Variants in LRP1B observed in about 807,000 individuals in gnomAD.
The protein encoded by LRP1B is low-density lipoprotein receptor-related protein 1B.
In LRP1B, 217 loss-of-function variants were observed where a neutral mutation model predicts 556.6. That is an observed-to-expected ratio of 0.39 (90% CI 0.35 to 0.44). The LOEUF is 0.44. Ranked by LOEUF, LRP1B falls within the 20% of genes least tolerant of loss-of-function variation. The pLI, the probability that LRP1B is intolerant of heterozygous loss-of-function variation, is 1.00. For synonymous variants in LRP1B, 2,047 were observed against 1,865.8 expected (o/e 1.10, Z -2.50); for missense variants, 5,053 against 5,620.8 (o/e 0.90, Z 3.23).
chr2:140,991,592 A>T (rs1013647262), intron 16 of LRP1B, among the ~76,000 whole-genome samples: 1 of 152,106 alleles, frequency 6.6e-6, no homozygotes, highest in African/African-American at 2.4e-5. Context: ...CTACAACATA[A>T]GGTGTCTTCT....
intron 1 of LRP1B, among the ~76,000 whole-genome samples, chr2:141,955,450 T>G (rs755601526): frequency 3.6e-4 from 55 of 152,244 alleles, no homozygotes; most frequent in Admixed American, 9.2e-4. Flanking sequence ...TGTATTTTTG[T>G]CATTATTAAC....
At chr2:141,863,827 A>G (rs1047930355) in intron 1 of LRP1B, among the ~76,000 whole-genome samples, 8 of 152,180 alleles carry the variant, frequency 5.3e-5, no homozygotes, top group Non-Finnish European at 7.4e-5. Flanking sequence ...TAGTATATTA[A>G]AAGTTCCAAT....
rs2105359080 is a variant in LRP1B, at chr2:140,994,084, C to G, written c.2555G>C (p.Cys852Ser). 6.2e-7 allele frequency: 1 copy of G among 1,612,634 alleles called. No individual in the cohort carries two copies. Among genetic ancestry groups the G allele is most frequent in the Non-Finnish European group, 8.5e-7 (1 of 1,179,102 alleles). Residue 852 changes from cysteine to serine, a missense_variant, in exon 16 of 91, where the codon TGC becomes TCC. By Grantham distance (112) the Cys-to-Ser change is moderately radical. Transcript: ENST00000389484. ...PHICKAGEFRCKNRHCIQARW... is the reference protein window; with the variant it reads ...PHICKAGEFRSKNRHCIQARW... ...AGCTTGGATACAGTGTCTGTTTTTG[C>G]AGCGAAACTCTCCAGCTTTACATAT...
intron 37 of LRP1B, 59 bp from the exon 38 acceptor site, chr2:140,702,612 T>C (rs898658442): frequency 6.6e-7 from 1 of 1,525,600 alleles, no homozygotes. Flanking sequence ...TATGCAGAGC[T>C]ATGCAAAAAG....
chr2:141,500,468 T>G (rs533544114), intron 2 of LRP1B, among the ~76,000 whole-genome samples: 1 of 152,104 alleles, frequency 6.6e-6, no homozygotes, highest in Admixed American at 6.6e-5. Flanking sequence ...AGGTTTTTCT[T>G]ACCTACATAG....
At chr2:140,511,855 T>A (rs1689676032) in intron 51 of LRP1B, among the ~76,000 whole-genome samples, 1 of 152,236 alleles carries the variant, frequency 6.6e-6, no homozygotes, top group African/African-American at 2.4e-5. Context: ...CAGTACTTTC[T>A]ATAATAAAAT....
chr2:141,577,713 C>T (rs986495409), intron 2 of LRP1B, among the ~76,000 whole-genome samples: 3 of 152,100 alleles, frequency 2.0e-5, no homozygotes, highest in African/African-American at 7.2e-5. Context: ...ATAGGGGCAC[C>T]ATTTAATAAC....
At chr2:140,535,970 AC>A (rs1289727970) in intron 46 of LRP1B, among the ~76,000 whole-genome samples, 1 of 152,094 alleles carries the variant, frequency 6.6e-6, no homozygotes, top group African/African-American at 2.4e-5. Context: ...AATCGACAAG[AC>A]TTTGATAACA....
chr2:141,680,626 G>A (rs983982229), intron 2 of LRP1B, among the ~76,000 whole-genome samples: 2 of 152,074 alleles, frequency 1.3e-5, no homozygotes, highest in African/African-American at 4.8e-5. Context: ...AAAGTATGAG[G>A]CACATCCACA....
At chr2:141,873,236 G>A (rs1020744072) in intron 1 of LRP1B, among the ~76,000 whole-genome samples, 1 of 151,910 alleles carries the variant, frequency 6.6e-6, no homozygotes, top group Non-Finnish European at 1.5e-5. Flanking sequence ...CAGGAGACTT[G>A]CTTGAGTCAA....
chr2:140,589,823 T>G (rs922205145), intron 43 of LRP1B, among the ~76,000 whole-genome samples: 4 of 152,204 alleles, frequency 2.6e-5, no homozygotes, highest in Admixed American at 2.6e-4. Flanking sequence ...GAAAACAAAT[T>G]AGTGGTTGCA....
At chr2:141,793,911 G>A (rs569920446) in intron 2 of LRP1B, among the ~76,000 whole-genome samples, 7 of 151,628 alleles carry the variant, frequency 4.6e-5, no homozygotes, top group South Asian at 2.1e-4. Flanking sequence ...GAATATTATC[G>A]AAACTGAACT....
In LRP1B at chr2:140,315,191, T is replaced by G. The variant is rs568120208; in HGVS notation, c.12641-92A>C. ...TAGATACAATATTTAAATACTAGGA[T>G]CTTGTGTTTCCATAAAATAATTAAC... On this transcript the variant is annotated intron_variant, in intron 82 of 90. Coordinates refer to ENST00000389484, the MANE Select transcript of LRP1B (RefSeq NM_018557.3). The G allele has an allele frequency of 1.8e-5, 15 of 828,768 alleles. No homozygotes were observed. In the East Asian group the frequency reaches 3.7e-4, roughly 21 times the overall value. The allele number at this position is 828,768 out of a possible 1,614,324, so 51.3% of individuals were successfully genotyped here. A position where few individuals can be genotyped will look rare whatever the true frequency, so the allele number is the denominator to read the frequency against.
At chr2:141,557,132 T>C (rs1685986149) in intron 2 of LRP1B, among the ~76,000 whole-genome samples, 1 of 151,858 alleles carries the variant, frequency 6.6e-6, no homozygotes, top group Non-Finnish European at 1.5e-5. Context: ...ATAGACTTAC[T>C]GATTCCTGTA....
At chr2:140,996,466 G>A (rs1054238609) in intron 15 of LRP1B, among the ~76,000 whole-genome samples, 16 of 152,024 alleles carry the variant, frequency 1.1e-4, no homozygotes, top group Admixed American at 4.6e-4. Context: ...CAAAGCATTT[G>A]TTTTATAATT....
intron 2 of LRP1B, among the ~76,000 whole-genome samples, chr2:141,697,821 C>T (rs1342484039): frequency 6.6e-6 from 1 of 151,952 alleles, no homozygotes; most frequent in Non-Finnish European, 1.5e-5. Context: ...TAGAAGAAGA[C>T]TAGGTGGTAA....
At chr2:141,811,858 C>T (rs910886860) in intron 1 of LRP1B, among the ~76,000 whole-genome samples, 6 of 151,986 alleles carry the variant, frequency 3.9e-5, no homozygotes, top group African/African-American at 1.2e-4. Flanking sequence ...CTACAGATCT[C>T]ACTCTCCAAA....
At chr2:141,384,045 GTTAA>G (rs1689740511) in intron 3 of LRP1B, among the ~76,000 whole-genome samples, 1 of 152,154 alleles carries the variant, frequency 6.6e-6, no homozygotes, top group Non-Finnish European at 1.5e-5. Context: ...CTATGGCTAT[GTTAA>G]TTAGTTTGAT....
chr2:141,163,442 A>T (rs1680118143), intron 7 of LRP1B, among the ~76,000 whole-genome samples: 1 of 152,026 alleles, frequency 6.6e-6, no homozygotes, highest in Non-Finnish European at 1.5e-5. Flanking sequence ...ATAATTTGGG[A>T]ATTTACACTG....
Sources: allele counts gnomAD v4.1 joint callset (sites outside exome capture counted in the v4.1 genomes callset), GRCh38; gene constraint gnomAD v4.1.1; transcripts MANE v1.5; gene names NCBI Gene and HGNC (gene_info 2026-07-23, HGNC 2026-07-21).